The following C5 variants were observed in gnomAD, a reference collection of about 807,000 sequenced individuals.
C5 encodes the protein C3 and PZP-like alpha-2-macroglobulin domain-containing protein 4.
A neutral mutation model predicts 218.8 loss-of-function variants in C5; 140 were observed. The ratio of observed to expected loss-of-function variants is 0.64; its 90% CI spans 0.56 to 0.74. C5 has a LOEUF of 0.74. Ranked by LOEUF, C5 falls within the 30% of genes least tolerant of loss-of-function variation. The probability of loss-of-function intolerance (pLI) is 0.00; values close to 1 mark genes in which losing one functional copy is unlikely to be tolerated. For synonymous variants in C5, 614 were observed against 682.3 expected, an observed-to-expected ratio of 0.90 and a Z score of 1.56; for missense variants, 1,700 against 1,969.6, an observed-to-expected ratio of 0.86 and a Z score of 2.59.
At chr9:121,033,011 TGG>T (rs1491529772) in intron 5 of C5, among the ~76,000 whole-genome samples, 4,310 of 32,562 alleles carry the variant, frequency 0.13, 165 homozygotes, top group African/African-American at 0.23. Context: ...AAAAAAACTA[TGG>T]GTGTGTGTGT....
At chr9:121,045,892 T>C (rs963957073) in intron 2 of C5, among the ~76,000 whole-genome samples, 1 of 152,172 alleles carries the variant, frequency 6.6e-6, no homozygotes, top group African/African-American at 2.4e-5. Flanking sequence ...GTAATTTTCA[T>C]AGCAAACAAG....
At position 120,981,825 on chromosome 9, in the gene C5, A is replaced by G; in HGVS notation, c.3486+19T>C. 6.4e-7 allele frequency: 1 copy of G among 1,550,756 alleles called. No individual in the cohort carries two copies. The highest frequency in any genetic ancestry group is 8.9e-7 in the Non-Finnish European group (1 of 1,122,348). ...CAGAAATAGATGATGGGTGTGAGAG[A>G]AAGAAAACTCTTACTTACCACCAGG... is the stretch of plus-strand genomic sequence containing the variant. On this transcript the variant is annotated intron_variant, in intron 27 of 40. Coordinates refer to ENST00000223642, the MANE Select transcript of C5 (RefSeq NM_001735.3).
At chr9:121,015,154 T>A (rs576287787) in intron 16 of C5, 45 bp downstream of exon 16, 1 of 1,231,000 alleles carries the variant, frequency 8.1e-7, no homozygotes, top group East Asian at 2.3e-5. Context: ...AGTTTTTGAA[T>A]GATATGACCA....
At chr9:121,058,444 A>G in the C5 span, among the ~76,000 whole-genome samples, 29 of 152,080 alleles carry the variant, frequency 1.9e-4, no homozygotes, top group Non-Finnish European at 4.1e-4. Flanking sequence ...ATGTATATAT[A>G]AAATTTTTTT....
At chr9:121,046,144 G>T (rs188025504) in intron 2 of C5, 47 bp downstream of exon 2, 52 of 961,814 alleles carry the variant, frequency 5.4e-5, no homozygotes, top group Admixed American at 1.1e-4. Context: ...TTTTTATTGA[G>T]AATATTCTGT....
chr9:120,989,933 C>A (rs1277615687), intron 23 of C5, among the ~76,000 whole-genome samples, 153 bp from the exon 24 acceptor site: 1 of 151,624 alleles, frequency 6.6e-6, no homozygotes, highest in African/African-American at 2.4e-5. Context: ...AAAAAAAGAT[C>A]CGGTTAGGAA....
Position 120,989,782 on chromosome 9 carries a change from T to A in C5, c.2942-2A>T. Reference sequence around the variant, plus strand: ...ACAAGATCTCACCTACAAGCAGTCCTGAAACAAAAAAGATCAAAGTAGACA... The same window carrying A: ...ACAAGATCTCACCTACAAGCAGTCCAGAAACAAAAAAGATCAAAGTAGACA... On this transcript the variant is annotated splice_acceptor_variant, in intron 23 of 40. Transcript: ENST00000223642. LOFTEE classifies it high-confidence loss of function. 1 of 1,612,952 alleles carries A rather than the reference T, an allele frequency of 6.2e-7. No homozygotes were observed. Among genetic ancestry groups the A allele is most frequent in the Non-Finnish European group, 8.5e-7 (1 of 1,178,994 alleles).
chr9:121,043,838 G>A (rs780888140), intron 2 of C5, among the ~76,000 whole-genome samples: 30 of 150,836 alleles, frequency 2.0e-4, no homozygotes, highest in African/African-American at 2.7e-4. Flanking sequence ...ATCAGTCACC[G>A]TGCCCATGTG....
intron 39 of C5, among the ~76,000 whole-genome samples, chr9:120,956,426 A>G (rs2046785189): frequency 6.6e-6 from 1 of 152,238 alleles, no homozygotes; most frequent in Non-Finnish European, 1.5e-5. Context: ...CAGAGATGAC[A>G]CAAACAAATG....
chr9:121,052,066 C>T (rs36223436), upstream of C5, among the ~76,000 whole-genome samples: 8,394 of 152,162 alleles, frequency 0.055, 300 homozygotes, highest in South Asian at 0.11. Context: ...AATGATGGAT[C>T]TCAAAGATTC....
intron 19 of C5, 90 bp from the exon 20 acceptor site, chr9:121,006,148 T>C: frequency 1.5e-6 from 2 of 1,308,364 alleles, no homozygotes; most frequent in Non-Finnish European, 2.2e-6. Flanking sequence ...TTTGCTTTAC[T>C]TCAAGGAAAA....
At chr9:120,972,100 G>A (rs2046919309) in intron 30 of C5, 108 bp from the exon 31 acceptor site, 3 of 826,436 alleles carry the variant, frequency 3.6e-6, no homozygotes, top group South Asian at 1.4e-5. Context: ...CTCTCTCAGA[G>A]CTCTTCTGAG....
rs578151147 is a variant in C5 at position 120,985,903 on chromosome 9, T to C, written c.3231-3089A>G. Among the ~76,000 whole-genome samples, 29 of 152,272 alleles carry C rather than the reference T, an allele frequency of 1.9e-4. 1 individual carries two copies. The highest frequency in any genetic ancestry group is 5.5e-4 in the African/African-American group (23 of 41,544). On this transcript the variant is annotated intron_variant, in intron 25 of 40. Transcript: ENST00000223642. ...TGAAATGTCCCCTGGAGAAGAAAAA[T>C]ACTGAGCAGTTAATCTACAAACCTG...
chr9:121,039,655 A>AATAAAG (rs1275408098), intron 3 of C5, among the ~76,000 whole-genome samples: 1 of 152,114 alleles, frequency 6.6e-6, no homozygotes, highest in Non-Finnish European at 1.5e-5. Context: ...TAAAAATAAA[A>AATAAAG]GATGTGGTTT....
chr9:121,046,732 G>T (rs544981215), intron 1 of C5, among the ~76,000 whole-genome samples: 28 of 152,310 alleles, frequency 1.8e-4, no homozygotes, highest in African/African-American at 6.7e-4. Flanking sequence ...AAAAAGCAGT[G>T]ATTGAATTCC....
chr9:121,048,903 T>C (rs1011964261), intron 1 of C5, among the ~76,000 whole-genome samples: 3 of 152,192 alleles, frequency 2.0e-5, no homozygotes. Flanking sequence ...CCTGGCCACA[T>C]TTTAAAATAG....
intron 20 of C5, among the ~76,000 whole-genome samples, chr9:121,001,878 C>T (rs973262065): frequency 6.6e-6 from 1 of 152,044 alleles, no homozygotes; most frequent in Non-Finnish European, 1.5e-5. Flanking sequence ...ATCTATCCTA[C>T]AGAAATATAC....
At chr9:121,042,061 G>T (rs2047586275) in intron 3 of C5, among the ~76,000 whole-genome samples, 1 of 152,128 alleles carries the variant, frequency 6.6e-6, no homozygotes, top group South Asian at 2.1e-4. Flanking sequence ...AAGTCAGATG[G>T]TCCCCACTTC....
chr9:120,968,770 T>C (rs2046887739), intron 33 of C5, among the ~76,000 whole-genome samples: 1 of 152,182 alleles, frequency 6.6e-6, no homozygotes, highest in South Asian at 2.1e-4. Context: ...ATCTTTTATA[T>C]TTTTTTCCTA....
Sources: gnomAD v4.1 joint callset for allele counts (sites outside exome capture counted in the v4.1 genomes callset) on GRCh38, gnomAD v4.1.1 for gene constraint, MANE v1.5 for transcripts, NCBI Gene and HGNC (gene_info 2026-07-23, HGNC 2026-07-21) for gene names.